Variants in NARS2 observed in about 807,000 individuals in gnomAD.
NARS2 encodes the protein asparaginyl-tRNA synthetase.
NARS2 carries 60 observed loss-of-function variants against 62.9 expected under a neutral mutation model. The ratio of observed to expected loss-of-function variants is 0.95; its 90% confidence interval spans 0.77 to 1.18. The LOEUF (loss-of-function observed/expected upper bound fraction) is 1.18. Among genes scored for constraint, NARS2 ranks in the 50% most tolerant of loss-of-function variants. The probability of loss-of-function intolerance (pLI) is 0.00; values close to 1 mark genes in which losing one functional copy is unlikely to be tolerated. For missense variants in NARS2, 619 were observed against 576.4 expected (o/e 1.07, Z -0.76); for synonymous variants, 196 against 200.0 (o/e 0.98, Z 0.17).
chr11:78,550,814 C>G (rs1856072835), intron 5 of NARS2, among the ~76,000 whole-genome samples: 1 of 152,034 alleles, frequency 6.6e-6, no homozygotes, highest in Admixed American at 6.6e-5. Context: ...CATAGTGAAA[C>G]AGGTTAAAGG....
chr11:78,527,026 G>A (rs1381347068), intron 6 of NARS2, among the ~76,000 whole-genome samples: 1 of 152,070 alleles, frequency 6.6e-6, no homozygotes, highest in Non-Finnish European at 1.5e-5. Flanking sequence ...ATTTAATATT[G>A]AATTAAATAA....
intron 5 of NARS2, among the ~76,000 whole-genome samples, chr11:78,537,817 T>C (rs191661217): frequency 6.6e-6 from 1 of 152,204 alleles, no homozygotes; most frequent in South Asian, 2.1e-4. Flanking sequence ...CGTACATACA[T>C]ACATACATGC....
At chr11:78,463,259 T>A (rs1046260017) in intron 11 of NARS2, among the ~76,000 whole-genome samples, 14 of 152,264 alleles carry the variant, frequency 9.2e-5, no homozygotes, top group African/African-American at 3.1e-4. Context: ...AGGGTCTTCC[T>A]ATGTTCAACA....
At chr11:78,493,756 A>G (rs911873180) in intron 6 of NARS2, among the ~76,000 whole-genome samples, 1 of 152,142 alleles carries the variant, frequency 6.6e-6, no homozygotes, top group Non-Finnish European at 1.5e-5. Flanking sequence ...CACAAATCCT[A>G]TGGTTTTACT....
chr11:78,559,637 T>G lies in NARS2; in HGVS notation c.514-18A>C. On this transcript the variant is annotated intron_variant, in intron 4 of 13. Transcript: ENST00000281038. ...CCACTGTCCTGAAAAAGAAAACCAC[T>G]GTTTTCAGGATATTTGCACATTCAA... 6.5e-7 allele frequency: 1 copy of G among 1,537,082 alleles called. No individual in the cohort carries two copies. The highest frequency in any genetic ancestry group is 9.0e-7 in the Non-Finnish European group (1 of 1,111,070).
At position 78,478,473 on chromosome 11, in the gene NARS2, G is replaced by A; in HGVS notation, c.924C>T (p.Asp308=). The A allele has an allele frequency of 8.7e-7, 1 of 1,148,746 alleles. No homozygotes were observed. 71.2% of individuals were successfully genotyped at this position (1,148,746 alleles called of 1,614,324 possible). A position where few individuals can be genotyped will look rare whatever the true frequency, so the allele number is the denominator to read the frequency against. Residue 308 remains aspartate, a splice_region_variant and synonymous_variant, in exon 9 of 14, where the codon GAC becomes GAT. Transcript: ENST00000281038. ...CHKFIAPGQK[D]RLEHMLKNNF... is the part of the protein sequence containing the mutation. ...TGTTTTTTAGCATATGTTCTAATCT[G>A]TCCTTAATAAAAAGACAAAAAAGAA... is the stretch of plus-strand genomic sequence containing the variant.
chr11:78,561,249 T>C (rs370498251), intron 4 of NARS2, among the ~76,000 whole-genome samples: 1 of 151,502 alleles, frequency 6.6e-6, no homozygotes, highest in African/African-American at 2.4e-5. Flanking sequence ...AAGGAGAGAG[T>C]ACAAAGGAAG....
intron 1 of NARS2, 61 bp from the exon 2 acceptor site, chr11:78,571,505 C>T (rs1856922157): frequency 1.8e-6 from 2 of 1,110,220 alleles, no homozygotes; most frequent in African/African-American, 1.6e-5. Flanking sequence ...ATTACACATA[C>T]ACACACAGAC....
intron 5 of NARS2, among the ~76,000 whole-genome samples, chr11:78,535,672 G>A (rs536487137): frequency 2.1e-4 from 31 of 150,116 alleles, no homozygotes; most frequent in Non-Finnish European, 4.0e-4. Context: ...TCTTATTGCC[G>A]AGGCTGGAGT....
At chr11:78,464,654 CTAGA>C (rs1429272630) in intron 11 of NARS2, among the ~76,000 whole-genome samples, 2 of 152,096 alleles carry the variant, frequency 1.3e-5, no homozygotes, top group East Asian at 1.9e-4. Context: ...AAACCTTGAG[CTAGA>C]TAGAGTGCTG....
At chr11:78,537,823 C>T (rs1331936365) in intron 5 of NARS2, among the ~76,000 whole-genome samples, 1 of 152,162 alleles carries the variant, frequency 6.6e-6, no homozygotes, top group Admixed American at 6.5e-5. Context: ...TACATACATA[C>T]ATGCAAACAT....
At chr11:78,448,403 G>A (rs562104543) in intron 11 of NARS2, among the ~76,000 whole-genome samples, 296 of 149,686 alleles carry the variant, frequency 2.0e-3, no homozygotes, top group Non-Finnish European at 3.2e-3. Flanking sequence ...TGCAACCTCC[G>A]CCTCAGCCTC....
chr11:78,509,618 G>C (rs886090649), intron 6 of NARS2, among the ~76,000 whole-genome samples: 1 of 151,916 alleles, frequency 6.6e-6, no homozygotes, highest in Non-Finnish European at 1.5e-5. Flanking sequence ...TAATTTAAGA[G>C]GTTAATGCAT....
At chr11:78,548,081 G>A (rs988765362) in intron 5 of NARS2, among the ~76,000 whole-genome samples, 1 of 152,184 alleles carries the variant, frequency 6.6e-6, no homozygotes. Context: ...CAGGTGTGGT[G>A]GTGTGTGCCT....
chr11:78,554,473 A>G (rs2135501365), intron 5 of NARS2, among the ~76,000 whole-genome samples: 1 of 140,146 alleles, frequency 7.1e-6, no homozygotes, highest in Non-Finnish European at 1.5e-5. Flanking sequence ...GAGCTCTTTC[A>G]CCTCCCTGGT....
chr11:78,571,049 A>G (rs1439943839), intron 2 of NARS2, among the ~76,000 whole-genome samples: 1 of 152,196 alleles, frequency 6.6e-6, no homozygotes, highest in East Asian at 1.9e-4. Context: ...TACAAATGCT[A>G]TTAGGAAAGA....
chr11:78,447,526 T>C (rs1857805994), intron 11 of NARS2, among the ~76,000 whole-genome samples: 1 of 152,128 alleles, frequency 6.6e-6, no homozygotes, highest in African/African-American at 2.4e-5. Flanking sequence ...GAAATCAGTA[T>C]ATTGGTGGTG....
In NARS2 at chr11:78,566,197, T is replaced by C. The variant is rs761902703; in HGVS notation, c.448A>G (p.Asn150Asp). The C allele has an allele frequency of 1.2e-6, 2 of 1,613,086 alleles. No individual in the cohort carries two copies. The highest frequency in any genetic ancestry group is 2.2e-5 in the East Asian group (1 of 44,866). Reference sequence around the variant, plus strand: ...ATCCTCAATATAGAACCCAGAACGTTAGTCCTACACCTAAAGTGAGGATAT... The same window carrying C: ...ATCCTCAATATAGAACCCAGAACGTCAGTCCTACACCTAAAGTGAGGATAT... ...RQYPHFRCRT[N>D]VLGSILRIRS... Residue 150 changes from asparagine to aspartate, a missense_variant, in exon 4 of 14, where the codon AAC (asparagine) becomes GAC (aspartate). Asn to Asp is a conservative substitution (Grantham distance 23). Transcript: ENST00000281038.
intron 6 of NARS2, among the ~76,000 whole-genome samples, chr11:78,497,504 C>G (rs1191584635): frequency 6.6e-6 from 1 of 152,180 alleles, no homozygotes; most frequent in Non-Finnish European, 1.5e-5. Context: ...CCACCCCCAA[C>G]CTCCATATCA....
Sources: gnomAD v4.1 joint callset for allele counts (sites outside exome capture counted in the v4.1 genomes callset) on GRCh38, gnomAD v4.1.1 for gene constraint, MANE v1.5 for transcripts, NCBI Gene and HGNC (gene_info 2026-07-23, HGNC 2026-07-21) for gene names.